KHDRBS1: variants seen among roughly 807,000 people sequenced by gnomAD.
KHDRBS1 encodes the protein KH RNA binding domain containing, signal transduction associated 1.
Under a neutral mutation model 48.4 loss-of-function variants are expected in KHDRBS1, and 7 were observed. The observed-to-expected ratio is 0.14, with a 90% CI of 0.08 to 0.27. The LOEUF is 0.27. Ranked by LOEUF, KHDRBS1 falls within the 10% of genes least tolerant of loss-of-function variation. The pLI is 1.00. For missense variants in KHDRBS1, 458 were observed against 601.2 expected (o/e 0.76, Z 2.49); for synonymous variants, 241 against 235.8 (o/e 1.02, Z -0.20).
chr1:32,034,642 T>C (rs1639142554), intron 4 of KHDRBS1, among the ~76,000 whole-genome samples: 1 of 151,912 alleles, frequency 6.6e-6, no homozygotes, highest in African/African-American at 2.4e-5. Context: ...CTCAAATGTC[T>C]TAGCAGCTGC....
At chr1:32,052,723 A>G (rs1195179529) in intron 10 of KHDRBS1, 1 of 152,100 alleles carries the variant, frequency 6.6e-6, no homozygotes, top group Non-Finnish European at 1.5e-5. Context: ...CATCAAGTAC[A>G]AGATGCATCC....
At chr1:32,020,374 T>C (rs1016095267) in intron 1 of KHDRBS1, among the ~76,000 whole-genome samples, 9 of 151,878 alleles carry the variant, frequency 5.9e-5, no homozygotes, top group African/African-American at 2.2e-4. Context: ...TGCCTTGAGC[T>C]GAGATCGTGC....
chr1:32,038,196 T>C, intron 6 of KHDRBS1, 160 bp downstream of exon 6: 1 of 1,205,030 alleles, frequency 8.3e-7, no homozygotes, highest in Non-Finnish European at 1.1e-6. Context: ...ATTAGAAGAT[T>C]TTTCCATTTT....
At chr1:32,036,451 G>A (rs369363448) in intron 4 of KHDRBS1, among the ~76,000 whole-genome samples, 1 of 152,260 alleles carries the variant, frequency 6.6e-6, no homozygotes, top group Non-Finnish European at 1.5e-5. Flanking sequence ...TTACAGGCGT[G>A]AGCCACTGCA....
At chr1:32,040,410 C>CA (rs796170127) in intron 8 of KHDRBS1, among the ~76,000 whole-genome samples, 7,072 of 137,726 alleles carry the variant, frequency 0.051, 350 homozygotes, top group African/African-American at 0.14. Context: ...AAGTCCGTCT[C>CA]AAAAAAAAAA....
At chr1:32,019,620 A>G (rs1638817106) in intron 1 of KHDRBS1, among the ~76,000 whole-genome samples, 1 of 152,244 alleles carries the variant, frequency 6.6e-6, no homozygotes, top group Admixed American at 6.5e-5. Context: ...AACAACATGG[A>G]GAAATCTCCA....
In KHDRBS1 at chr1:32,031,512, A is replaced by G. The variant is rs1172109594; in HGVS notation, c.508-12A>G. The stretch of plus-strand genomic sequence containing the variant: ...TAGCATGTATATTTAGAAATCCTCT[A>G]TTTTCTGTCAGTTCAATTTTGTGGG... On this transcript the variant is annotated splice_polypyrimidine_tract_variant and intron_variant, in intron 2 of 8. Transcript: ENST00000327300. 4.0e-6 allele frequency: 6 copies of G among 1,510,780 alleles called. No homozygotes were observed. Among genetic ancestry groups the G allele is most frequent in the South Asian group, 3.6e-5 (3 of 83,958 alleles). The allele number at this position is 1,510,780 out of a possible 1,614,324, so 93.6% of individuals were successfully genotyped here. A position where few individuals can be genotyped will look rare whatever the true frequency, so the allele number is the denominator to read the frequency against.
rs888998673 is a variant in KHDRBS1 at position 32,026,848 on chromosome 1, G to T, written c.383-3450G>T. ...CTTGCCCTATCGCCCAAGCTGGAGT[G>T]CAGTGGCGCAATCTGAGCTCACTGC... On this transcript the variant is annotated intron_variant, in intron 1 of 8. Transcript: ENST00000327300. Among the ~76,000 whole-genome samples, 8 of 152,176 alleles carry T rather than the reference G, an allele frequency of 5.3e-5. No homozygotes were observed. In the East Asian group the frequency reaches 1.5e-3, roughly 29 times the overall value.
At chr1:32,059,375 A>C (rs1474238204) in intron 10 of KHDRBS1, among the ~76,000 whole-genome samples, 1 of 151,818 alleles carries the variant, frequency 6.6e-6, no homozygotes, top group East Asian at 1.9e-4. Context: ...TGAGCAACAT[A>C]TGGAGACAAA....
At chr1:32,047,122 G>A (rs1639366384), downstream of KHDRBS1, among the ~76,000 whole-genome samples, 1 of 152,170 alleles carries the variant, frequency 6.6e-6, no homozygotes, top group Admixed American at 6.5e-5. Context: ...ATTGATCCAA[G>A]TGTTTTCTGT....
At chr1:32,048,242 T>A (rs1639378276), downstream of KHDRBS1, among the ~76,000 whole-genome samples, 1 of 152,220 alleles carries the variant, frequency 6.6e-6, no homozygotes, top group Admixed American at 6.5e-5. Context: ...GCATGGCAGC[T>A]CATGCCTGTA....
chr1:32,022,900 AAAG>A (rs1432270207), intron 1 of KHDRBS1, among the ~76,000 whole-genome samples: 1 of 151,504 alleles, frequency 6.6e-6, no homozygotes, highest in East Asian at 1.9e-4. Context: ...AAAAAAAAAA[AAAG>A]TTCAGTTAAT....
At chr1:32,024,679 A>C (rs571468599) in intron 1 of KHDRBS1, among the ~76,000 whole-genome samples, 1 of 152,082 alleles carries the variant, frequency 6.6e-6, no homozygotes, top group East Asian at 1.9e-4. Flanking sequence ...TATGACCTAG[A>C]GATAGTTATT....
intron 10 of KHDRBS1, among the ~76,000 whole-genome samples, chr1:32,057,798 CAAAAA>C (rs796350726): frequency 7.8e-6 from 1 of 128,736 alleles, no homozygotes; most frequent in Non-Finnish European, 1.7e-5. Flanking sequence ...GACTCCATCT[CAAAAA>C]AAAAAAAGAG....
At chr1:32,049,499 G>A (rs1639393171) in intron 10 of KHDRBS1, among the ~76,000 whole-genome samples, 1 of 150,292 alleles carries the variant, frequency 6.7e-6, no homozygotes, top group Non-Finnish European at 1.5e-5. Context: ...TTGATCCATT[G>A]ACAGGCATTT....
chr1:32,026,317 CCTGA>C (rs1402773056), intron 1 of KHDRBS1, among the ~76,000 whole-genome samples: 2 of 151,916 alleles, frequency 1.3e-5, no homozygotes, highest in African/African-American at 2.4e-5. Flanking sequence ...TACCACCATG[CCTGA>C]CTAATTTGTT....
At chr1:32,031,064 C>A (rs567460205) in intron 2 of KHDRBS1, among the ~76,000 whole-genome samples, 3 of 152,208 alleles carry the variant, frequency 2.0e-5, no homozygotes, top group South Asian at 2.1e-4. Context: ...GCCTGAGCAA[C>A]ATAGCGAAAC....
At chr1:32,047,778 CA>C (rs1312072352), downstream of KHDRBS1, among the ~76,000 whole-genome samples, 1 of 152,112 alleles carries the variant, frequency 6.6e-6, no homozygotes, top group African/African-American at 2.4e-5. Flanking sequence ...TTATACTGTG[CA>C]ACCATTTCCA....
At chr1:32,045,263 A>T (rs1569817085), downstream of KHDRBS1, 1 of 152,726 alleles carries the variant, frequency 6.5e-6, no homozygotes. Context: ...GGATCTCTTT[A>T]TCTTTTATTT....
Sources: allele counts gnomAD v4.1 joint callset (sites outside exome capture counted in the v4.1 genomes callset), GRCh38; gene constraint gnomAD v4.1.1; transcripts MANE v1.5; gene names NCBI Gene and HGNC (gene_info 2026-07-23, HGNC 2026-07-21).